The following GRM8 variants were observed in gnomAD, a reference collection of about 807,000 sequenced individuals.
GRM8 encodes the protein glutamate metabotropic receptor 8, also known as metabotropic glutamate receptor 8.
A neutral mutation model predicts 87.2 loss-of-function variants in GRM8; 47 were observed. The observed-to-expected ratio is 0.54, with a 90% CI of 0.43 to 0.69. GRM8 has a LOEUF of 0.69. GRM8 is among the 30% of genes least tolerant of loss of function. The probability of loss-of-function intolerance (pLI) is 0.00; values close to 1 mark genes in which losing one functional copy is unlikely to be tolerated. For missense variants in GRM8, 1,019 were observed against 1,139.2 expected (o/e 0.89, Z 1.52); for synonymous variants, 396 against 404.5 (o/e 0.98, Z 0.25).
intron 8 of GRM8, among the ~76,000 whole-genome samples, chr7:126,543,522 T>C (rs1038844342): frequency 6.6e-6 from 1 of 152,224 alleles, no homozygotes; most frequent in Non-Finnish European, 1.5e-5. Context: ...TCAATAACTA[T>C]TTTTGAATGA....
At chr7:127,204,620 A>C (rs1042540933) in intron 2 of GRM8, among the ~76,000 whole-genome samples, 2 of 152,194 alleles carry the variant, frequency 1.3e-5, no homozygotes, top group Non-Finnish European at 2.9e-5. Flanking sequence ...CTATTGAGAA[A>C]ACCATACTGA....
intron 7 of GRM8, among the ~76,000 whole-genome samples, chr7:126,672,900 G>A (rs879838052): frequency 6.6e-6 from 1 of 152,112 alleles, no homozygotes; most frequent in Non-Finnish European, 1.5e-5. Context: ...TGATCTGCCT[G>A]CTGTTTCCCC....
chr7:126,735,884 A>C (rs749050165), intron 7 of GRM8, among the ~76,000 whole-genome samples: 1 of 152,078 alleles, frequency 6.6e-6, no homozygotes, highest in Non-Finnish European at 1.5e-5. Flanking sequence ...CTGGAAGCCG[A>C]AGCAGGGACA....
intron 3 of GRM8, among the ~76,000 whole-genome samples, chr7:127,004,041 T>C (rs888192700): frequency 1.3e-5 from 2 of 151,708 alleles, no homozygotes; most frequent in Non-Finnish European, 3.0e-5. Flanking sequence ...TTTTAAGGAC[T>C]TTATAAACAC....
chr7:127,222,704 A>T (rs773909694), intron 2 of GRM8, among the ~76,000 whole-genome samples: 11 of 152,202 alleles, frequency 7.2e-5, no homozygotes, highest in Non-Finnish European at 1.5e-4. Flanking sequence ...ATAGTGCCCA[A>T]TATGTTCCAG....
intron 7 of GRM8, among the ~76,000 whole-genome samples, chr7:126,672,810 A>G (rs1806519892): frequency 6.6e-6 from 1 of 152,088 alleles, no homozygotes; most frequent in Non-Finnish European, 1.5e-5. Context: ...ACTTTCAAGC[A>G]TCAAACTCCA....
At chr7:126,746,746 G>T (rs959193307) in intron 7 of GRM8, among the ~76,000 whole-genome samples, 1 of 151,116 alleles carries the variant, frequency 6.6e-6, no homozygotes. Context: ...TATTCTATTT[G>T]GTTTTAATTA....
chr7:127,231,216 T>C (rs942745360), intron 2 of GRM8, among the ~76,000 whole-genome samples: 1 of 151,870 alleles, frequency 6.6e-6, no homozygotes, highest in Non-Finnish European at 1.5e-5. Flanking sequence ...AATGCTAGCA[T>C]CTCTTACACT....
chr7:126,663,885 A>G (rs1349025492), intron 7 of GRM8, among the ~76,000 whole-genome samples: 1 of 152,178 alleles, frequency 6.6e-6, no homozygotes, highest in Non-Finnish European at 1.5e-5. Flanking sequence ...TTCTATACCT[A>G]GAAAACCATC....
chr7:126,869,860 C>T (rs1414658451), intron 6 of GRM8: 11 of 146,082 alleles, frequency 7.5e-5, no homozygotes, highest in Non-Finnish European at 1.5e-5. Flanking sequence ...TCACAAGCCG[C>T]ATTAGCCCCT....
At chr7:126,773,825 G>T (rs1819130893) in intron 6 of GRM8, among the ~76,000 whole-genome samples, 1 of 151,990 alleles carries the variant, frequency 6.6e-6, no homozygotes, top group Admixed American at 6.6e-5. Context: ...GTGAGACCCT[G>T]TCCCTACCAA....
At chr7:126,507,492 G>C (rs1810661401) in intron 9 of GRM8, among the ~76,000 whole-genome samples, 1 of 152,024 alleles carries the variant, frequency 6.6e-6, no homozygotes, top group African/African-American at 2.4e-5. Flanking sequence ...CAATCAATTA[G>C]AGTTTGTTAT....
At chr7:126,912,610 G>A (rs1476399524) in intron 3 of GRM8, among the ~76,000 whole-genome samples, 2 of 152,176 alleles carry the variant, frequency 1.3e-5, no homozygotes, top group African/African-American at 4.8e-5. Context: ...GGTGAACTTG[G>A]CCAAGGCAGC....
intron 3 of GRM8, among the ~76,000 whole-genome samples, chr7:126,908,229 C>G (rs1175437907): frequency 6.6e-6 from 1 of 151,836 alleles, no homozygotes; most frequent in Non-Finnish European, 1.5e-5. Flanking sequence ...ATATTTAAAT[C>G]AGCAATAGAA....
intron 3 of GRM8, among the ~76,000 whole-genome samples, chr7:126,997,587 G>T: frequency 6.8e-6 from 1 of 146,484 alleles, no homozygotes; most frequent in Non-Finnish European, 1.5e-5. Flanking sequence ...TAAAATCAGA[G>T]AGAAAAAAGA....
chr7:127,035,909 C>T (rs1342586779), intron 3 of GRM8, among the ~76,000 whole-genome samples: 1 of 152,190 alleles, frequency 6.6e-6, no homozygotes, highest in Non-Finnish European at 1.5e-5. Context: ...TTCCACCAAG[C>T]ATTCCCTGAC....
intron 6 of GRM8, among the ~76,000 whole-genome samples, chr7:126,781,065 C>T (rs1226704404): frequency 6.6e-6 from 1 of 152,158 alleles, no homozygotes; most frequent in Non-Finnish European, 1.5e-5. Flanking sequence ...AGGGTGACTT[C>T]TAGGTTCTCG....
chr7:127,220,255 A>T (rs1796835324), intron 2 of GRM8, among the ~76,000 whole-genome samples: 1 of 152,166 alleles, frequency 6.6e-6, no homozygotes, highest in Non-Finnish European at 1.5e-5. Context: ...ACATGGACAT[A>T]TATGAAAATA....
At chr7:126,829,721 A>C (rs1421450548) in intron 6 of GRM8, among the ~76,000 whole-genome samples, 1 of 151,392 alleles carries the variant, frequency 6.6e-6, no homozygotes, top group African/African-American at 2.4e-5. Flanking sequence ...TAATATTGTT[A>C]TATGTGAATT....
Sources: gnomAD v4.1 joint callset for allele counts (sites outside exome capture counted in the v4.1 genomes callset) on GRCh38, gnomAD v4.1.1 for gene constraint, MANE v1.5 for transcripts, NCBI Gene and HGNC (gene_info 2026-07-23, HGNC 2026-07-21) for gene names.